The following CSMD1 variants were observed in gnomAD, a reference collection of about 807,000 sequenced individuals.
CSMD1 encodes CUB and sushi domain-containing protein 1.
Under a neutral mutation model 417.5 loss-of-function variants are expected in CSMD1, and 213 were observed. That is an observed-to-expected ratio of 0.51 (90% CI 0.46 to 0.57). The LOEUF (loss-of-function observed/expected upper bound fraction) is 0.57, where lower values mean the gene tolerates loss of function less well. CSMD1 is among the 20% of genes least tolerant of loss of function. CSMD1 has a pLI of 0.00. For synonymous variants in CSMD1, 2,862 were observed against 1,736.8 expected (o/e 1.65, Z -16.11); for missense variants, 6,923 against 4,529.7 (o/e 1.53, Z -15.17).
intron 3 of CSMD1, among the ~76,000 whole-genome samples, chr8:4,146,593 CATTTTTTT>C (rs61244112): frequency 0.12 from 11,151 of 90,042 alleles, 2,258 homozygotes; most frequent in East Asian, 0.17. Flanking sequence ...TATATGGACA[CATTTTTTT>C]TTTTTTTTTT....
chr8:3,303,916 C>T (rs1230964201), intron 25 of CSMD1, among the ~76,000 whole-genome samples: 14 of 148,724 alleles, frequency 9.4e-5, no homozygotes, highest in Admixed American at 9.4e-4. Flanking sequence ...CCAAGTGCCC[C>T]ATAATAATAA....
intron 7 of CSMD1, among the ~76,000 whole-genome samples, chr8:3,619,704 G>C (rs982924081): frequency 3.9e-5 from 6 of 152,068 alleles, no homozygotes; most frequent in Non-Finnish European, 8.8e-5. Flanking sequence ...AGCAGAAAGA[G>C]AAAAGCAAGT....
chr8:4,219,271 G>A (rs1056342777), intron 3 of CSMD1, among the ~76,000 whole-genome samples: 1 of 152,112 alleles, frequency 6.6e-6, no homozygotes, highest in Non-Finnish European at 1.5e-5. Context: ...ACAAATATGT[G>A]ATTATTTCTT....
At chr8:3,955,834 C>T (rs930359362) in intron 5 of CSMD1, among the ~76,000 whole-genome samples, 5 of 152,114 alleles carry the variant, frequency 3.3e-5, no homozygotes, top group South Asian at 2.1e-4. Context: ...TTCACTTTGC[C>T]CCCTGCCACA....
At chr8:3,977,191 G>C (rs1813499925) in intron 5 of CSMD1, among the ~76,000 whole-genome samples, 1 of 151,806 alleles carries the variant, frequency 6.6e-6, no homozygotes, top group Non-Finnish European at 1.5e-5. Context: ...CATTTCCCTG[G>C]GATCACAATC....
intron 6 of CSMD1, among the ~76,000 whole-genome samples, chr8:3,729,541 G>A (rs1399830731): frequency 2.0e-5 from 3 of 152,172 alleles, no homozygotes; most frequent in Non-Finnish European, 4.4e-5. Flanking sequence ...ATCGAAGTGG[G>A]CCTTGACAAT....
intron 3 of CSMD1, among the ~76,000 whole-genome samples, chr8:4,282,607 G>GA: frequency 6.6e-6 from 1 of 152,256 alleles, no homozygotes; most frequent in Middle Eastern, 3.4e-3. Flanking sequence ...TACAGTCAGG[G>GA]AGAAAGGTAG....
intron 7 of CSMD1, among the ~76,000 whole-genome samples, chr8:3,622,486 G>T (rs1204300115): frequency 6.6e-6 from 1 of 152,142 alleles, no homozygotes; most frequent in Admixed American, 6.6e-5. Context: ...AAAAGAAATG[G>T]CAGAAATTGG....
chr8:4,542,758 A>G (rs369763132), intron 2 of CSMD1, among the ~76,000 whole-genome samples: 1 of 152,340 alleles, frequency 6.6e-6, no homozygotes, highest in African/African-American at 2.4e-5. Context: ...GTGAAAGTAC[A>G]AAGTAAACAT....
At chr8:3,717,856 C>T (rs1801931855) in intron 6 of CSMD1, among the ~76,000 whole-genome samples, 1 of 152,088 alleles carries the variant, frequency 6.6e-6, no homozygotes, top group South Asian at 2.1e-4. Flanking sequence ...TACAATTGTA[C>T]ATTACACCAA....
chr8:4,154,654 C>T (rs1372940475), intron 3 of CSMD1, among the ~76,000 whole-genome samples: 1 of 152,172 alleles, frequency 6.6e-6, no homozygotes, highest in Non-Finnish European at 1.5e-5. Flanking sequence ...GAATTGTATT[C>T]TAGTCCCTTA....
At chr8:4,839,046 T>C (rs752627255) in intron 1 of CSMD1, among the ~76,000 whole-genome samples, 1 of 152,250 alleles carries the variant, frequency 6.6e-6, no homozygotes, top group Non-Finnish European at 1.5e-5. Flanking sequence ...TTGGAATTGG[T>C]TTTTTGCCTG....
At chr8:3,611,174 T>C (rs1465475720) in intron 8 of CSMD1, among the ~76,000 whole-genome samples, 1 of 151,664 alleles carries the variant, frequency 6.6e-6, no homozygotes, top group Non-Finnish European at 1.5e-5. Flanking sequence ...ATGGCACATG[T>C]ATACATACGT....
intron 1 of CSMD1, among the ~76,000 whole-genome samples, chr8:4,828,097 C>G (rs1799939097): frequency 6.6e-6 from 1 of 151,974 alleles, no homozygotes; most frequent in Admixed American, 6.6e-5. Context: ...TCTTTTTTGA[C>G]AAAGGTATAC....
At chr8:3,694,311 A>AG (rs967344778) in intron 7 of CSMD1, among the ~76,000 whole-genome samples, 2 of 152,034 alleles carry the variant, frequency 1.3e-5, no homozygotes, top group African/African-American at 4.8e-5. Flanking sequence ...GGCTTCCAGG[A>AG]GCACAGCAGC....
At chr8:4,457,717 G>C (rs1799572756) in intron 2 of CSMD1, among the ~76,000 whole-genome samples, 1 of 152,074 alleles carries the variant, frequency 6.6e-6, no homozygotes, top group Admixed American at 6.5e-5. Flanking sequence ...TCCCTTCCCG[G>C]TCCTTCATGT....
Position 4,723,314 on chromosome 8 carries a change from G to C in CSMD1, c.86-85756C>G, listed in dbSNP as rs187294785. On this transcript the variant is annotated intron_variant, in intron 1 of 69. Transcript: ENST00000635120. Reference sequence around the variant, plus strand: ...AATCATCCAATTACTACAATAGCCAGGATTGATACCCGGGAGTTAGAAGAA... The same window carrying C: ...AATCATCCAATTACTACAATAGCCACGATTGATACCCGGGAGTTAGAAGAA... Among the ~76,000 whole-genome samples, 451 of 152,256 alleles carry C rather than the reference G, an allele frequency of 3.0e-3. 2 individuals carry two copies. The highest frequency in any genetic ancestry group is 3.9e-3 in the Admixed American group (59 of 15,280).
intron 1 of CSMD1, among the ~76,000 whole-genome samples, chr8:4,744,797 T>G (rs1810848634): frequency 1.3e-5 from 2 of 152,174 alleles, no homozygotes; most frequent in Non-Finnish European, 2.9e-5. Flanking sequence ...TTCATTAACT[T>G]CCAAGGAGTA....
chr8:3,983,125 A>AACTT (rs1563282442), intron 5 of CSMD1, among the ~76,000 whole-genome samples: 13 of 115,406 alleles, frequency 1.1e-4, no homozygotes, highest in Non-Finnish European at 1.8e-4. Context: ...ATCCTCCCAC[A>AACTT]TCTTTCTTTC....
Sources: allele counts gnomAD v4.1 joint callset (sites outside exome capture counted in the v4.1 genomes callset), GRCh38; gene constraint gnomAD v4.1.1; transcripts MANE v1.5; gene names NCBI Gene and HGNC (gene_info 2026-07-23, HGNC 2026-07-21).